Variants in SGO1 observed in about 807,000 individuals in gnomAD.
SGO1 encodes shugoshin 1.
A neutral mutation model predicts 50.5 loss-of-function variants in SGO1; 39 were observed. That is an observed-to-expected ratio of 0.77 (90% CI 0.60 to 1.01). The LOEUF (loss-of-function observed/expected upper bound fraction) is 1.01. Among genes scored for constraint, SGO1 ranks in the 50% least tolerant of loss-of-function variants. SGO1 has a pLI of 0.00. For synonymous variants in SGO1, 191 were observed against 205.1 expected, an observed-to-expected ratio of 0.93 and a Z score of 0.59; for missense variants, 638 against 606.0, an observed-to-expected ratio of 1.05 and a Z score of -0.55.
In SGO1 at chr3:20,170,155, T is replaced by C. The variant is rs967595513; in HGVS notation, c.*549A>G. On this transcript the variant is annotated 3_prime_UTR_variant, in exon 8 of 8. Transcript: ENST00000412997. The stretch of plus-strand genomic sequence containing the variant: ...ACAGTGGCTCAGTAATCCCAGCACT[T>C]TGGGAGGCCGAGGTGGGCAGATCAC... The C allele has an allele frequency of 2.1e-5, 20 of 964,894 alleles. No homozygotes were observed. The highest frequency in any genetic ancestry group is 2.3e-5 in the Non-Finnish European group (19 of 811,382). The allele number at this position is 964,894 out of a possible 1,614,324, so 59.8% of individuals were successfully genotyped here.
chr3:20,174,600 C>T lies in SGO1; in HGVS notation c.931G>A (p.Glu311Lys), dbSNP rs755212315. The change falls in exon 6 of 8, where the codon GAG (glutamate) becomes AAG (lysine). Residue 311 changes from glutamate to lysine, a missense_variant. Glu to Lys is a moderately conservative substitution (Grantham distance 56). Coordinates refer to ENST00000412997, the MANE Select transcript of SGO1 (RefSeq NM_001199251.3). ...RKSKRMSKYK[E>K]NKSENKKTVP... ...GTTTTTTTATTTTCGCTTTTATTCT[C>T]TTTATATTTTGACATACGTTTTGAT... 2 of 1,600,832 alleles carry T rather than the reference C, an allele frequency of 1.2e-6. No individual in the cohort carries two copies. Among genetic ancestry groups the T allele is most frequent in the East Asian group, 2.2e-5 (1 of 44,836 alleles).
In SGO1 at chr3:20,174,312, T is replaced by A; in HGVS notation, c.1219A>T (p.Arg407Ter). 1 of 1,614,204 alleles carries A rather than the reference T, an allele frequency of 6.2e-7. No individual in the cohort carries two copies. Among genetic ancestry groups the A allele is most frequent in the Non-Finnish European group, 8.5e-7 (1 of 1,180,032 alleles). ...TTTTCATCTGTGTATTTCAGTGCTC[T>A]TTTAGCTAGAGGCCTGGTGACTGGT... ...DRPVTRPLAK[R>*]ALKYTDEKET... is the part of the protein sequence containing the mutation. Residue 407 changes from arginine (R) to a stop codon, truncating the protein, a stop_gained, in exon 6 of 8, where the codon AGA becomes TGA. Transcript: ENST00000412997. LOFTEE classifies it high-confidence loss of function.
Position 20,174,342 on chromosome 3 carries a change from C to A in SGO1, c.1189G>T (p.Asp397Tyr), listed in dbSNP as rs1225094042. ...KYIQNPTSNSDRPVTRPLAKR... is the reference protein window; with the variant it reads ...KYIQNPTSNSYRPVTRPLAKR... ...GCTAGAGGCCTGGTGACTGGTCTAT[C>A]TGAATTGCTCGTGGGATTCTGAATG... is the stretch of plus-strand genomic sequence containing the variant. Residue 397 changes from aspartate to tyrosine, a missense_variant, in exon 6 of 8, where the codon GAT (aspartate) becomes TAT (tyrosine). Transcript: ENST00000412997. 6.2e-7 allele frequency: 1 copy of A among 1,614,184 alleles called. No homozygotes were observed.
intron 4 of SGO1, among the ~76,000 whole-genome samples, chr3:20,176,976 T>TA (rs1701470887): frequency 6.6e-6 from 1 of 152,226 alleles, no homozygotes; most frequent in African/African-American, 2.4e-5. Context: ...AAATGTTTTT[T>TA]AAAAAATGTA....
At chr3:20,178,560 A>G (rs1398132836) in intron 3 of SGO1, among the ~76,000 whole-genome samples, 1 of 152,218 alleles carries the variant, frequency 6.6e-6, no homozygotes, top group Non-Finnish European at 1.5e-5. Flanking sequence ...AAGAGAAGAT[A>G]TATGTACAAA....
At chr3:20,161,048 T>A (rs1295182810) in exon 9 of SGO1, 8 of 1,610,258 alleles carry the variant, frequency 5.0e-6, no homozygotes, top group Non-Finnish European at 6.8e-6. Flanking sequence ...AAGGTCTGCA[T>A]ACATTAGTGA....
In SGO1 at chr3:20,174,720, CTTCTT is replaced by C. The variant is rs748734724; in HGVS notation, c.806_810del (p.Lys269ArgfsTer6). On this transcript the variant is annotated frameshift_variant, in exon 6 of 8. Transcript: ENST00000412997. LOFTEE classifies it high-confidence loss of function. ...TGTTCAGATTTAGATTCTAAAATGTCTTCTTTTGTTTTAGTAAACGTTCCTGGCTG... is the reference window on the plus strand; with the variant it reads ...TGTTCAGATTTAGATTCTAAAATGTCTTGTTTTAGTAAACGTTCCTGGCTG... 3.7e-6 allele frequency: 6 copies of C among 1,613,668 alleles called. No homozygotes were observed. In the South Asian group the frequency reaches 6.6e-5, roughly 18 times the overall value.
At chr3:20,186,609 C>G (rs1478734247), upstream of SGO1, 1 of 152,210 alleles carries the variant, frequency 6.6e-6, no homozygotes. Context: ...ACGGAAGCAG[C>G]TTTTAGAGGA....
chr3:20,177,122 T>G (rs2125327218), intron 4 of SGO1: 1 of 152,732 alleles, frequency 6.5e-6, no homozygotes, highest in Admixed American at 6.5e-5. Context: ...ACAAATGTTG[T>G]TCTTTGGTTC....
In SGO1 at chr3:20,169,914, G is replaced by GAAT; in HGVS notation, c.*787_*789dup. ...TAAATGTCAAATATTTATTTTACTCGAATACTACACAGAGTTTCAAAAGAT... is the reference window on the plus strand; with the variant it reads ...TAAATGTCAAATATTTATTTTACTCGAATAATACTACACAGAGTTTCAAAAGAT... On this transcript the variant is annotated 3_prime_UTR_variant, in exon 8 of 8. Transcript: ENST00000412997. 2 of 983,192 alleles carry GAAT rather than the reference G, an allele frequency of 2.0e-6. No individual in the cohort carries two copies. Among genetic ancestry groups the GAAT allele is most frequent in the Non-Finnish European group, 2.4e-6 (2 of 828,042 alleles). The allele number at this position is 983,192 out of a possible 1,614,324, so 60.9% of individuals were successfully genotyped here.
intron 5 of SGO1, among the ~76,000 whole-genome samples, chr3:20,175,407 G>A (rs1473590998): frequency 6.6e-6 from 1 of 152,160 alleles, no homozygotes; most frequent in Non-Finnish European, 1.5e-5. Flanking sequence ...ATGATGAACT[G>A]ATATAATGTA....
chr3:20,169,724 G>A lies in SGO1; in HGVS notation c.*980C>T. On this transcript the variant is annotated 3_prime_UTR_variant, in exon 8 of 8. Coordinates refer to ENST00000412997, the MANE Select transcript of SGO1 (RefSeq NM_001199251.3). ...TGTAATTTTATGGAGACATCACTCTGAACATACAATTAGAGCTTGGGGTTC... is the reference window on the plus strand; with the variant it reads ...TGTAATTTTATGGAGACATCACTCTAAACATACAATTAGAGCTTGGGGTTC... The A allele has an allele frequency of 1.1e-6, 1 of 902,400 alleles. No homozygotes were observed. The allele number at this position is 902,400 out of a possible 1,614,324, so 55.9% of individuals were successfully genotyped here. A position where few individuals can be genotyped will look rare whatever the true frequency, so the allele number is the denominator to read the frequency against.
At position 20,161,183 on chromosome 3, in the gene SGO1, T is replaced by C. The variant is rs747115643; in HGVS notation, c.1608A>G (p.Leu536=). The change falls in exon 9 of 9, where the codon TTA becomes TTG. Residue 536 remains leucine, a synonymous_variant. Coordinates refer to the SGO1 transcript ENST00000263753. ...TCGAAACAAATTCTCGAACATAATATAAAATAAAAATTGCTTCTTTGGCAG... is the reference window on the plus strand; with the variant it reads ...TCGAAACAAATTCTCGAACATAATACAAAATAAAAATTGCTTCTTTGGCAG... 1.9e-6 allele frequency: 3 copies of C among 1,610,128 alleles called. No homozygotes were observed. In the East Asian group the frequency reaches 6.7e-5, roughly 36 times the overall value.
chr3:20,161,224 C>A, exon 9 of SGO1: 2 of 1,580,980 alleles, frequency 1.3e-6, no homozygotes, highest in Non-Finnish European at 1.7e-6. Context: ...ACCTCCAGGG[C>A]TCCTGGTAAA....
chr3:20,183,116 C>G (rs907742151), intron 3 of SGO1, among the ~76,000 whole-genome samples: 1 of 152,140 alleles, frequency 6.6e-6, no homozygotes, highest in African/African-American at 2.4e-5. Context: ...AAAAATGGTT[C>G]TCCAAAAAGC....
chr3:20,178,207 A>G (rs1701616097), intron 4 of SGO1, 64 bp downstream of exon 4: 7 of 1,170,496 alleles, frequency 6.0e-6, no homozygotes, highest in Non-Finnish European at 8.9e-6. Flanking sequence ...TTCCTTTCAT[A>G]AATGAATCAC....
chr3:20,168,714 C>T (rs1700442491), downstream of SGO1, among the ~76,000 whole-genome samples: 2 of 150,658 alleles, frequency 1.3e-5, no homozygotes, highest in Non-Finnish European at 2.9e-5. Context: ...ACCATCTCGG[C>T]TCACTGCAAG....
rs753913628 is a variant in SGO1 at position 20,171,136 on chromosome 3, A to G, written c.1379T>C (p.Leu460Pro). The G allele has an allele frequency of 3.7e-6, 6 of 1,613,224 alleles. No homozygotes were observed. The highest frequency in any genetic ancestry group is 1.3e-5 in the African/African-American group (1 of 74,800). Residue 460 changes from leucine to proline, a missense_variant, in exon 7 of 8, where the codon CTT becomes CCT. Transcript: ENST00000412997. ...GCTTGCTTTATTCTTTTTTGGAGAA[A>G]GAGAAAGTCTTCTGATTTTCACAAC... The part of the protein sequence containing the change: ...YPVVKIRRLS[L>P]SPKKNKASPA...
chr3:20,162,097 T>C (rs1383670852), intron 8 of SGO1, among the ~76,000 whole-genome samples: 2 of 152,140 alleles, frequency 1.3e-5, no homozygotes, highest in African/African-American at 2.4e-5. Context: ...GATGTAGAAT[T>C]TGCTAGCAGA....
Sources: allele counts gnomAD v4.1 joint callset (sites outside exome capture counted in the v4.1 genomes callset), GRCh38; gene constraint gnomAD v4.1.1; transcripts MANE v1.5; gene names NCBI Gene and HGNC (gene_info 2026-07-23, HGNC 2026-07-21).